SLC30A2: variants seen among roughly 807,000 people sequenced by gnomAD.
SLC30A2 encodes proton-coupled zinc antiporter SLC30A2.
Under a neutral mutation model 39.6 loss-of-function variants are expected in SLC30A2, and 19 were observed. The ratio of observed to expected loss-of-function variants is 0.48; its 90% CI spans 0.34 to 0.70. The LOEUF is 0.70. SLC30A2 is among the 30% of genes least tolerant of loss of function. The probability of loss-of-function intolerance (pLI) is 0.01; values close to 1 mark genes in which losing one functional copy is unlikely to be tolerated. For missense variants in SLC30A2, 387 were observed against 479.4 expected (o/e 0.81, Z 1.80); for synonymous variants, 195 against 194.8 (o/e 1.00, Z -0.01).
chr1:26,044,561 C>G, intron 2 of SLC30A2, 117 bp from the exon 3 acceptor site: 1 of 972,134 alleles, frequency 1.0e-6, no homozygotes, highest in Non-Finnish European at 1.5e-6. Context: ...ATCTCTCTAC[C>G]CATGAGCTGT....
chr1:26,041,627 C>T (rs1352016590), intron 6 of SLC30A2, 73 bp downstream of exon 6: 3 of 895,468 alleles, frequency 3.4e-6, no homozygotes, highest in South Asian at 1.4e-5. Flanking sequence ...GCCCCAGACA[C>T]ACACATACCC....
intron 4 of SLC30A2, 33 bp downstream of exon 4, chr1:26,043,360 GGAGGA>G: frequency 1.3e-6 from 2 of 1,598,046 alleles, no homozygotes; most frequent in Non-Finnish European, 1.7e-6. Context: ...AGAGGCGGGA[GGAGGA>G]GGGGAGACGA....
chr1:26,045,044 T>C lies in SLC30A2; in HGVS notation c.224A>G (p.Tyr75Cys). 2 of 1,614,256 alleles carry C rather than the reference T, an allele frequency of 1.2e-6. No homozygotes were observed. Among genetic ancestry groups the C allele is most frequent in the South Asian group, 1.1e-5 (1 of 91,090 alleles). The change falls in exon 2 of 8, where the codon TAT becomes TGT. Residue 75 changes from tyrosine to cysteine, a missense_variant. Transcript: ENST00000374276. ...CAACAGGCAGATGGCAGAGGCTACATACAGCTGGCGCTGGGCCTTCCCCTT... is the reference window on the plus strand; with the variant it reads ...CAACAGGCAGATGGCAGAGGCTACACACAGCTGGCGCTGGGCCTTCCCCTT... Reference protein sequence around the residue: ...PKKGKAQRQLYVASAICLLFM... With the variant: ...PKKGKAQRQLCVASAICLLFM...
At chr1:26,041,835 G>A in intron 5 of SLC30A2, 30 bp from the exon 6 acceptor site, 1 of 1,338,708 alleles carries the variant, frequency 7.5e-7, no homozygotes, top group Non-Finnish European at 1.1e-6. Flanking sequence ...CAGACCTGGA[G>A]TTCACCATCT....
Position 26,046,001 on chromosome 1 carries a change from C to T in SLC30A2, c.-105G>A, listed in dbSNP as rs1037359428. On this transcript the variant is annotated 5_prime_UTR_variant, in exon 1 of 8. Coordinates refer to ENST00000374276, the MANE Select transcript of SLC30A2 (RefSeq NM_001004434.3). This position sits in a 1 kb window ranked among gnomAD's most constrained non-coding sequence, Gnocchi z 4.4. Reference sequence around the variant, plus strand: ...GGCGCTCACCCACCTGCCCCGAGGGCCCCGCGAGGTGCGCTCACTCCGGCC... The same window carrying T: ...GGCGCTCACCCACCTGCCCCGAGGGTCCCGCGAGGTGCGCTCACTCCGGCC... 6 of 1,491,898 alleles carry T rather than the reference C, an allele frequency of 4.0e-6. No homozygotes were observed. Among genetic ancestry groups the T allele is most frequent in the East Asian group, 2.5e-5 (1 of 39,480 alleles). The allele number at this position is 1,491,898 out of a possible 1,614,324, so 92.4% of individuals were successfully genotyped here.
chr1:26,042,841 C>T, intron 4 of SLC30A2, 133 bp from the exon 5 acceptor site: 1 of 760,732 alleles, frequency 1.3e-6, no homozygotes, highest in Non-Finnish European at 2.1e-6. Flanking sequence ...GTGAGAAGTC[C>T]AACCCACGTG....
chr1:26,043,726 T>C (rs1465551702), intron 3 of SLC30A2, among the ~76,000 whole-genome samples, 175 bp from the exon 4 acceptor site: 2 of 151,988 alleles, frequency 1.3e-5, no homozygotes, highest in African/African-American at 4.8e-5. Context: ...ACCCCTCATA[T>C]ATCTAGGAAT....
rs201917367 is a variant in SLC30A2 at position 26,042,682 on chromosome 1, C to T, written c.599G>A (p.Gly200Asp). 7.4e-6 allele frequency: 12 copies of T among 1,614,118 alleles called. No homozygotes were observed. The Admixed American group carries it at 1.5e-4, about 20-fold the overall frequency. Residue 200 changes from glycine (G) to aspartate (D), a missense_variant, in exon 5 of 8, where the codon GGC becomes GAC. By Grantham distance (94) the Gly-to-Asp change is moderately conservative. Coordinates refer to ENST00000374276, the MANE Select transcript of SLC30A2 (RefSeq NM_001004434.3). ...GGTGGTGCCGTGGCTGTGCCCATGG[C>T]CAGACTGGTGAAGGGTCAACCCCAT... ...IIMGLTLHQS[G>D]HGHSHGTTNQ...
At position 26,045,131 on chromosome 1, in the gene SLC30A2, G is replaced by C. The variant is rs1206388810; in HGVS notation, c.137C>G (p.Ala46Gly). 37 of 1,613,910 alleles carry C rather than the reference G, an allele frequency of 2.3e-5. No homozygotes were observed. The highest frequency in any genetic ancestry group is 3.1e-5 in the Non-Finnish European group (37 of 1,180,022). Residue 46 changes from alanine (A) to glycine (G), a missense_variant, in exon 2 of 8, where the codon GCT (alanine) becomes GGT (glycine). Coordinates refer to ENST00000374276, the MANE Select transcript of SLC30A2 (RefSeq NM_001004434.3). ...ATGGCAGTGATGGTTGCTCTGGGCA[G>C]CCAGCTCAATGGCCTGCAAGTCCAG... ...PGLDLQAIEL[A>G]AQSNHHCHAQ...
At position 26,043,418 on chromosome 1, in the gene SLC30A2, G is replaced by A. The variant is rs958815166; in HGVS notation, c.552C>T (p.Cys184=). The A allele has an allele frequency of 8.1e-6, 13 of 1,613,912 alleles. No individual in the cohort carries two copies. The highest frequency in any genetic ancestry group is 1.3e-5 in the African/African-American group (1 of 74,914). Residue 184 remains cysteine, a synonymous_variant, in exon 4 of 8, where the codon TGC becomes TGT. Coordinates refer to ENST00000374276, the MANE Select transcript of SLC30A2 (RefSeq NM_001004434.3). ...CTCACATGATGTTCACAGCCACAGC[G>A]CAGCCCGACGTGATCAGCATGGTCC... is the stretch of plus-strand genomic sequence containing the variant. ...DGGTMLITSG[C]AVAVNIIMGL...
chr1:26,039,036 G>C lies in SLC30A2; in HGVS notation c.*124C>G, dbSNP rs922075712. 1 of 1,475,254 alleles carries C rather than the reference G, an allele frequency of 6.8e-7. No individual in the cohort carries two copies. Among genetic ancestry groups the C allele is most frequent in the Non-Finnish European group, 9.0e-7 (1 of 1,111,118 alleles). 91.4% of individuals were successfully genotyped at this position (1,475,254 alleles called of 1,614,324 possible). ...GCTCCATTCCTGGAGTGGGGCAGAG[G>C]TCAGGAGGGGGACCTGGTTTACAAC... On this transcript the variant is annotated 3_prime_UTR_variant, in exon 8 of 8. Transcript: ENST00000374276. The surrounding 1 kb of genome is among the most constrained non-coding windows in gnomAD (Gnocchi z 4.3).
intron 4 of SLC30A2, 135 bp from the exon 5 acceptor site, chr1:26,042,843 A>C: frequency 1.3e-6 from 1 of 745,716 alleles, no homozygotes; most frequent in South Asian, 1.8e-5. Context: ...GAGAAGTCCA[A>C]CCCACGTGGC....
chr1:26,045,937 G>C lies in SLC30A2; in HGVS notation c.-41C>G, dbSNP rs764458115. The C allele has an allele frequency of 1.2e-6, 2 of 1,603,432 alleles. No homozygotes were observed. Among genetic ancestry groups the C allele is most frequent in the East Asian group, 4.5e-5 (2 of 44,662 alleles). ...GTCCCGGCAGCCGCGCAGCCGCCCC[G>C]CCGAGTGCGCCCTGAAAGTTGCGCG... On this transcript the variant is annotated 5_prime_UTR_variant, in exon 1 of 8. Coordinates refer to ENST00000374276, the MANE Select transcript of SLC30A2 (RefSeq NM_001004434.3).
rs560278153 is a variant in SLC30A2, at chr1:26,039,205, C to T, written c.1074G>A (p.Ser358=). ...ATGCCTGACAGTCCTTCATGTCCTCCGAGTAGTCCTCGATCTGGATGGTCA... is the reference window on the plus strand; with the variant it reads ...ATGCCTGACAGTCCTTCATGTCCTCTGAGTAGTCCTCGATCTGGATGGTCA... ...HTVTIQIEDY[S]EDMKDCQACQ... is the part of the protein sequence containing the mutation. The change falls in exon 8 of 8, where the codon TCG becomes TCA. Residue 358 remains serine (S), a synonymous_variant. Transcript: ENST00000374276. This position sits in a 1 kb window ranked among gnomAD's most constrained non-coding sequence, Gnocchi z 4.3. The T allele has an allele frequency of 1.2e-5, 20 of 1,614,116 alleles. No individual in the cohort carries two copies. In the African/African-American group the frequency reaches 1.6e-4, roughly 13 times the overall value.
In SLC30A2 at chr1:26,042,606, G is replaced by A. The variant is rs201442115; in HGVS notation, c.675C>T (p.Ile225=). The A allele has an allele frequency of 6.4e-5, 103 of 1,614,020 alleles. 1 individual carries two copies. The South Asian group carries it at 7.5e-4, about 12-fold the overall frequency. The part of the protein sequence containing the change: ...PSVRAAFIHV[I]GDFMQSMGVL... ...CACCCATGCTCTGCATAAAGTCGCC[G>A]ATCACATGGATGAAGGCAGCTCGGA... The change falls in exon 5 of 8, where the codon ATC becomes ATT. Residue 225 remains isoleucine (I), a synonymous_variant. Transcript: ENST00000374276.
At position 26,044,448 on chromosome 1, in the gene SLC30A2, C is replaced by G; in HGVS notation, c.272-4G>C. 6.2e-7 allele frequency: 1 copy of G among 1,612,930 alleles called. No individual in the cohort carries two copies. Among genetic ancestry groups the G allele is most frequent in the Non-Finnish European group, 8.5e-7 (1 of 1,179,608 alleles). On this transcript the variant is annotated splice_region_variant and splice_polypyrimidine_tract_variant and intron_variant, in intron 2 of 7. Coordinates refer to ENST00000374276, the MANE Select transcript of SLC30A2 (RefSeq NM_001004434.3). Reference sequence around the variant, plus strand: ...AAGCTGTGTGCCAGGTACCCACCTGCAGGGTGGAGGGTCCTTATCAGCTCC... The same window carrying G: ...AAGCTGTGTGCCAGGTACCCACCTGGAGGGTGGAGGGTCCTTATCAGCTCC...
chr1:26,045,714 C>T (rs1169188332), intron 1 of SLC30A2, 133 bp downstream of exon 1: 1 of 1,445,716 alleles, frequency 6.9e-7, no homozygotes, highest in Non-Finnish European at 9.5e-7. Context: ...TCTTCGTTCC[C>T]TCACCTCACC....
chr1:26,043,063 A>G lies in SLC30A2; in HGVS notation c.572+335T>C, dbSNP rs144827527. 4.7e-3 allele frequency among the ~76,000 whole-genome samples: 715 copies of G among 152,338 alleles called. 5 individuals are homozygous for G. The highest frequency in any genetic ancestry group is 0.017 in the African/African-American group (688 of 41,568). Reference sequence around the variant, plus strand: ...ATTGTCTCTAACTGAGACCAATTTCAGACTTGGGTTCTGCCCCTAGGGACA... The same window carrying G: ...ATTGTCTCTAACTGAGACCAATTTCGGACTTGGGTTCTGCCCCTAGGGACA... On this transcript the variant is annotated intron_variant, in intron 4 of 7. Coordinates refer to ENST00000374276, the MANE Select transcript of SLC30A2 (RefSeq NM_001004434.3).
At chr1:26,045,701 T>C (rs923953650) in intron 1 of SLC30A2, 146 bp downstream of exon 1, 9 of 1,326,760 alleles carry the variant, frequency 6.8e-6, no homozygotes, top group Non-Finnish European at 9.4e-6. Context: ...CCACAGCCCA[T>C]TATCTTCGTT....
Sources: allele counts gnomAD v4.1 joint callset (sites outside exome capture counted in the v4.1 genomes callset), GRCh38; gene constraint gnomAD v4.1.1; non-coding constraint Gnocchi (gnomAD v3.1); transcripts MANE v1.5; gene names NCBI Gene and HGNC (gene_info 2026-07-23, HGNC 2026-07-21).